Variants in RALYL observed in about 807,000 individuals in gnomAD.
RALYL encodes RALY RNA binding protein like.
Under a neutral mutation model 35.1 loss-of-function variants are expected in RALYL, and 29 were observed. The observed-to-expected ratio is 0.83, with a 90% CI of 0.61 to 1.13. The LOEUF (loss-of-function observed/expected upper bound fraction) is 1.13, where lower values mean the gene tolerates loss of function less well. Ranked by LOEUF, RALYL falls within the 50% of genes most tolerant of loss-of-function variation. RALYL has a pLI of 0.00. For missense variants in RALYL, 359 were observed against 360.4 expected (o/e 1.00, Z 0.03); for synonymous variants, 120 against 127.6 (o/e 0.94, Z 0.40).
intron 1 of RALYL, among the ~76,000 whole-genome samples, chr8:84,267,406 T>C (rs902307939): frequency 1.3e-5 from 2 of 152,214 alleles, no homozygotes; most frequent in African/African-American, 4.8e-5. Context: ...ATTTAAATTA[T>C]ATATTGTGTT....
intron 1 of RALYL, among the ~76,000 whole-genome samples, chr8:84,314,117 G>A (rs759653256): frequency 5.9e-5 from 9 of 152,118 alleles, no homozygotes; most frequent in Non-Finnish European, 1.3e-4. Flanking sequence ...AGGAGAGAGA[G>A]CGCAAGTGCA....
At chr8:84,735,503 A>G (rs530760905) in intron 2 of RALYL, among the ~76,000 whole-genome samples, 1 of 152,040 alleles carries the variant, frequency 6.6e-6, no homozygotes, top group South Asian at 2.1e-4. Flanking sequence ...AGAGTTTCCC[A>G]TGTGCTAACT....
chr8:84,525,233 A>G (rs1369266511), intron 1 of RALYL, among the ~76,000 whole-genome samples: 2 of 152,016 alleles, frequency 1.3e-5, no homozygotes, highest in East Asian at 3.9e-4. Context: ...GTTTTCATAG[A>G]TAGACACTTT....
At chr8:84,257,194 A>C (rs1563621403) in intron 1 of RALYL, among the ~76,000 whole-genome samples, 1 of 152,030 alleles carries the variant, frequency 6.6e-6, no homozygotes, top group Admixed American at 6.6e-5. Flanking sequence ...TTTTTACAAC[A>C]AAAATTATTC....
intron 2 of RALYL, among the ~76,000 whole-genome samples, chr8:84,688,351 C>T (rs13253118): frequency 0.029 from 4,413 of 151,972 alleles, 85 homozygotes; most frequent in Non-Finnish European, 0.046. Context: ...TTGTAGTAAT[C>T]GAAACAGCCT....
intron 2 of RALYL, among the ~76,000 whole-genome samples, chr8:84,611,156 A>C (rs1333713546): frequency 6.6e-6 from 1 of 152,130 alleles, no homozygotes; most frequent in Admixed American, 6.6e-5. Flanking sequence ...AGAAAACTAA[A>C]AGTGGTATAA....
intron 1 of RALYL, among the ~76,000 whole-genome samples, chr8:84,491,697 G>A (rs911149553): frequency 6.6e-6 from 1 of 151,946 alleles, no homozygotes; most frequent in Admixed American, 6.6e-5. Flanking sequence ...TGCTATCTAA[G>A]AATTTTCCTT....
At chr8:84,627,206 G>T (rs1458917686) in intron 2 of RALYL, among the ~76,000 whole-genome samples, 1 of 151,760 alleles carries the variant, frequency 6.6e-6, no homozygotes, top group Non-Finnish European at 1.5e-5. Flanking sequence ...CTTAGCATTC[G>T]TCTTTCCAGG....
chr8:84,548,635 A>G lies in RALYL; in HGVS notation c.256+19058A>G, dbSNP rs2060515887. On this transcript the variant is annotated intron_variant, in intron 2 of 8. Transcript: ENST00000521268. ...TCACTTTTCAATGTTTTCAGAAGGGATAAAGTAAGGCAGAATAGATTTTCT... is the reference window on the plus strand; with the variant it reads ...TCACTTTTCAATGTTTTCAGAAGGGGTAAAGTAAGGCAGAATAGATTTTCT... Among the ~76,000 whole-genome samples the G allele has an allele frequency of 2.0e-5, 3 of 152,192 alleles. No individual in the cohort carries two copies. In the South Asian group the frequency reaches 6.2e-4, roughly 31 times the overall value.
At chr8:84,883,544 G>A (rs1390398227) in intron 7 of RALYL, among the ~76,000 whole-genome samples, 1 of 151,950 alleles carries the variant, frequency 6.6e-6, no homozygotes, top group East Asian at 1.9e-4. Context: ...AAAACCATCA[G>A]ATCTTGTGAG....
intron 1 of RALYL, among the ~76,000 whole-genome samples, chr8:84,481,965 G>A (rs547828516): frequency 2.6e-5 from 4 of 152,158 alleles, no homozygotes; most frequent in African/African-American, 7.2e-5. Flanking sequence ...GTATGTAAAT[G>A]ATACCTCATT....
At chr8:84,768,681 T>C (rs753418761) in intron 2 of RALYL, among the ~76,000 whole-genome samples, 19 of 152,182 alleles carry the variant, frequency 1.2e-4, no homozygotes, top group Non-Finnish European at 2.4e-4. Flanking sequence ...TTCTACAGAA[T>C]GCAAATTGCT....
intron 2 of RALYL, among the ~76,000 whole-genome samples, chr8:84,650,888 A>G (rs1828647407): frequency 2.0e-5 from 3 of 152,180 alleles, no homozygotes; most frequent in African/African-American, 7.2e-5. Context: ...AATACTATGC[A>G]GCCATAAAAA....
At chr8:84,512,157 C>A (rs1180028496) in intron 1 of RALYL, among the ~76,000 whole-genome samples, 2 of 152,154 alleles carry the variant, frequency 1.3e-5, no homozygotes, top group East Asian at 3.9e-4. Context: ...GTATTCCCCC[C>A]AATAGTGTAT....
chr8:84,608,601 T>A lies in RALYL; in HGVS notation c.256+79024T>A, dbSNP rs530289826. ...CATGTTCAGTGCATTTGCTCCATATTACTCCTGTTTCCTTTTCTGAAAATG... is the reference window on the plus strand; with the variant it reads ...CATGTTCAGTGCATTTGCTCCATATAACTCCTGTTTCCTTTTCTGAAAATG... On this transcript the variant is annotated intron_variant, in intron 2 of 8. Coordinates refer to ENST00000521268, the MANE Select transcript of RALYL (RefSeq NM_173848.7). 9.2e-5 allele frequency among the ~76,000 whole-genome samples: 14 copies of A among 152,298 alleles called. No individual in the cohort carries two copies. In the South Asian group the frequency reaches 2.9e-3, roughly 32 times the overall value.
chr8:84,813,376 G>A (rs1049630076), intron 4 of RALYL, among the ~76,000 whole-genome samples: 3 of 152,262 alleles, frequency 2.0e-5, no homozygotes, highest in South Asian at 2.1e-4. Flanking sequence ...TTCACCATGC[G>A]AGCCTCTGCA....
At chr8:84,622,923 T>C (rs1255044559) in intron 2 of RALYL, among the ~76,000 whole-genome samples, 1 of 152,190 alleles carries the variant, frequency 6.6e-6, no homozygotes, top group African/African-American at 2.4e-5. Flanking sequence ...TGAAGTTTGG[T>C]TGTGACAAAT....
chr8:84,505,772 A>G (rs1387067955), intron 1 of RALYL, among the ~76,000 whole-genome samples: 1 of 152,166 alleles, frequency 6.6e-6, no homozygotes, highest in Non-Finnish European at 1.5e-5. Context: ...TTAGAATAGC[A>G]TGCTAGAAGT....
At chr8:84,594,001 C>G (rs982747595) in intron 2 of RALYL, among the ~76,000 whole-genome samples, 8 of 152,058 alleles carry the variant, frequency 5.3e-5, no homozygotes, top group African/African-American at 1.9e-4. Context: ...CATTTGTGTC[C>G]ACTTTAATGC....
Sources: gnomAD v4.1 joint callset for allele counts (sites outside exome capture counted in the v4.1 genomes callset) on GRCh38, gnomAD v4.1.1 for gene constraint, MANE v1.5 for transcripts, NCBI Gene and HGNC (gene_info 2026-07-23, HGNC 2026-07-21) for gene names.